VPS13D: variants seen among roughly 807,000 people sequenced by gnomAD.
The protein encoded by VPS13D is intermembrane lipid transfer protein VPS13D.
Under a neutral mutation model 461.9 loss-of-function variants are expected in VPS13D, and 187 were observed. That is an observed-to-expected ratio of 0.40 (90% CI 0.36 to 0.46). VPS13D has a LOEUF of 0.46. Among genes scored for constraint, VPS13D ranks in the 20% least tolerant of loss-of-function variants. The pLI is 0.60. For synonymous variants in VPS13D, 1,951 were observed against 1,986.3 expected (o/e 0.98, Z 0.47); for missense variants, 4,711 against 5,364.9 (o/e 0.88, Z 3.81).
intron 52 of VPS13D, among the ~76,000 whole-genome samples, chr1:12,368,187 A>G (rs1644065909): frequency 6.6e-6 from 1 of 152,212 alleles, no homozygotes; most frequent in African/African-American, 2.4e-5. Context: ...ACACACACAT[A>G]CATACATACA....
At chr1:12,233,963 G>A (rs1291280014) in intron 1 of VPS13D, among the ~76,000 whole-genome samples, 2 of 152,120 alleles carry the variant, frequency 1.3e-5, no homozygotes, top group Non-Finnish European at 2.9e-5. Flanking sequence ...CAGGAGAATC[G>A]CTTGAACCCG....
intron 25 of VPS13D, among the ~76,000 whole-genome samples, chr1:12,303,949 C>T (rs1642493338): frequency 6.6e-6 from 1 of 152,164 alleles, no homozygotes; most frequent in African/African-American, 2.4e-5. Flanking sequence ...GTTAGCCCTT[C>T]TTAATTTGTA....
At chr1:12,392,007 TG>T (rs1344073968) in intron 60 of VPS13D, among the ~76,000 whole-genome samples, 2 of 151,924 alleles carry the variant, frequency 1.3e-5, no homozygotes, top group Non-Finnish European at 2.9e-5. Flanking sequence ...AATACAAGTG[TG>T]TGGTGCCACA....
chr1:12,301,160 A>G (rs1424561702), intron 25 of VPS13D, among the ~76,000 whole-genome samples: 2 of 152,216 alleles, frequency 1.3e-5, no homozygotes, highest in African/African-American at 2.4e-5. Context: ...ACAGCTCCCA[A>G]TGCTTCTGAC....
At chr1:12,231,769 G>A (rs1639980996) in intron 1 of VPS13D, among the ~76,000 whole-genome samples, 16 of 152,122 alleles carry the variant, frequency 1.1e-4, no homozygotes, top group Non-Finnish European at 2.1e-4. Context: ...TGGGCAGATC[G>A]CTTAAGGTCA....
In VPS13D at chr1:12,367,267, C is replaced by T. The variant is rs138637965; in HGVS notation, c.10449-1201C>T. Among the ~76,000 whole-genome samples, 4 of 152,298 alleles carry T rather than the reference C, an allele frequency of 2.6e-5. No individual in the cohort carries two copies. In the East Asian group the frequency reaches 7.7e-4, roughly 29 times the overall value. On this transcript the variant is annotated intron_variant, in intron 52 of 69. Transcript: ENST00000620676. ...TCTGTAGATTTGGGTCAAATATTTT[C>T]GATAGCTATACTTTCTATGTGATGC...
At chr1:12,416,611 A>C in intron 64 of VPS13D, 49 bp from the exon 65 acceptor site, 2 of 1,578,906 alleles carry the variant, frequency 1.3e-6, no homozygotes, top group Non-Finnish European at 1.7e-6. Context: ...GTATCTGCAA[A>C]TATAAGTAGA....
At position 12,258,123 on chromosome 1, in the gene VPS13D, G is replaced by T. The variant is rs770055183; in HGVS notation, c.1110+20G>T. 27 of 1,612,456 alleles carry T rather than the reference G, an allele frequency of 1.7e-5. No homozygotes were observed. The highest frequency in any genetic ancestry group is 2.1e-5 in the Non-Finnish European group (25 of 1,178,668). ...GACAAGGTAAGTGGACTGTGGTCTT[G>T]TGTTTCTTGTCTTATTCAGAAGATA... is the stretch of plus-strand genomic sequence containing the variant. On this transcript the variant is annotated intron_variant, in intron 10 of 69. Transcript: ENST00000620676.
rs145509513 is a variant in VPS13D, at chr1:12,450,489, C to T, written c.12334-5509C>T. ...TTACAATTTTTTGACTTGACGATGA[C>T]GTAAAAGCTATATGCATTCAGTAGA... is the stretch of plus-strand genomic sequence containing the variant. On this transcript the variant is annotated intron_variant, in intron 65 of 69. Transcript: ENST00000620676. Among the ~76,000 whole-genome samples the T allele has an allele frequency of 1.2e-3, 189 of 152,260 alleles. 2 individuals carry two copies. Among genetic ancestry groups the T allele is most frequent in the South Asian group, 1.7e-3 (8 of 4,824 alleles).
chr1:12,306,641 A>G (rs1478247907), intron 26 of VPS13D, among the ~76,000 whole-genome samples: 1 of 152,206 alleles, frequency 6.6e-6, no homozygotes, highest in Non-Finnish European at 1.5e-5. Flanking sequence ...TTGGATTAAG[A>G]CAGTGGTTTT....
chr1:12,290,297 T>C (rs1642088908), intron 22 of VPS13D, among the ~76,000 whole-genome samples: 1 of 152,208 alleles, frequency 6.6e-6, no homozygotes, highest in African/African-American at 2.4e-5. Context: ...CCTAACATGT[T>C]TCTGACACGT....
chr1:12,401,580 C>A, intron 61 of VPS13D, 28 bp from the exon 62 acceptor site: 1 of 1,575,494 alleles, frequency 6.3e-7, no homozygotes, highest in Non-Finnish European at 8.7e-7. Flanking sequence ...GGTGTTCACA[C>A]TTTAAATCAG....
At chr1:12,478,685 G>A (rs1645669280) in intron 67 of VPS13D, 3 of 434,604 alleles carry the variant, frequency 6.9e-6, no homozygotes, top group Non-Finnish European at 1.4e-5. Context: ...TCTAGAGAGG[G>A]TCAAGGCACG....
intron 52 of VPS13D, among the ~76,000 whole-genome samples, chr1:12,364,456 A>G (rs1471673541): frequency 1.3e-5 from 2 of 152,240 alleles, no homozygotes; most frequent in East Asian, 1.9e-4. Context: ...ATAGGTTCGC[A>G]TATGGGTTCA....
At chr1:12,447,135 TTTTGTCAGCTGCCTTCC>T (rs1645203071) in intron 65 of VPS13D, among the ~76,000 whole-genome samples, 1 of 152,206 alleles carries the variant, frequency 6.6e-6, no homozygotes, top group Non-Finnish European at 1.5e-5. Flanking sequence ...TTTAATATAC[TTTTGTCAGCTGCCTTCC>T]TTTGTCAGTT....
intron 5 of VPS13D, among the ~76,000 whole-genome samples, chr1:12,247,668 T>C (rs1420673704): frequency 6.6e-6 from 1 of 152,070 alleles, no homozygotes; most frequent in East Asian, 1.9e-4. Flanking sequence ...TGTATCTTTT[T>C]TTTGGAGAAA....
intron 65 of VPS13D, among the ~76,000 whole-genome samples, chr1:12,452,146 C>G (rs2143120): frequency 0.019 from 2,930 of 152,340 alleles, 112 homozygotes; most frequent in Admixed American, 0.1. Flanking sequence ...TTCTCTGTCT[C>G]TAGCCTGCCG....
chr1:12,390,474 G>T (rs536994915), intron 60 of VPS13D, among the ~76,000 whole-genome samples: 2 of 152,224 alleles, frequency 1.3e-5, no homozygotes, highest in Non-Finnish European at 2.9e-5. Context: ...TAAGGTGAGT[G>T]CCTTGGTCAG....
rs184121045 is a variant in VPS13D at position 12,452,703 on chromosome 1, A to G, written c.12334-3295A>G. On this transcript the variant is annotated intron_variant, in intron 65 of 69. Transcript: ENST00000620676. ...GGGCCCTGCCTTTACCACTGTATCC[A>G]TCATTTGGCTGGCTTTGGTTTAGTT... Among the ~76,000 whole-genome samples the G allele has an allele frequency of 1.6e-4, 24 of 152,348 alleles. No homozygotes were observed. In the East Asian group the frequency reaches 4.4e-3, roughly 28 times the overall value.
Sources: gnomAD v4.1 joint callset for allele counts (sites outside exome capture counted in the v4.1 genomes callset) on GRCh38, gnomAD v4.1.1 for gene constraint, MANE v1.5 for transcripts, NCBI Gene and HGNC (gene_info 2026-07-23, HGNC 2026-07-21) for gene names.